Variants in PRDM16 observed in about 807,000 individuals in gnomAD.
The protein encoded by PRDM16 is histone-lysine N-methyltransferase PRDM16.
In PRDM16, 23 loss-of-function variants were observed where a neutral mutation model predicts 110.6. That is an observed-to-expected ratio of 0.21 (90% CI 0.15 to 0.29). PRDM16 has a LOEUF of 0.29. PRDM16 is among the 10% of genes least tolerant of loss of function. PRDM16 has a pLI of 1.00. For synonymous variants in PRDM16, 799 were observed against 781.8 expected (o/e 1.02, Z -0.37); for missense variants, 1,615 against 1,794.3 (o/e 0.90, Z 1.81).
intron 5 of PRDM16, among the ~76,000 whole-genome samples, chr1:3,402,268 G>GCC (rs145611121): frequency 1.3e-5 from 2 of 151,974 alleles, no homozygotes; most frequent in Non-Finnish European, 2.9e-5. Context: ...CGGGCCCAGA[G>GCC]CCCCCCACCG....
rs771966209 is a variant in PRDM16, at chr1:3,411,880, C to T, written c.1683C>T (p.Ala561=). The change falls in exon 9 of 17, where the codon GCC becomes GCT. Residue 561 remains alanine (A), a synonymous_variant. Transcript: ENST00000270722. ...ACCCAGCCCTGCCCCTGGTCTCCGC[C>T]GTCAGCAACAGCAGCCAGGGCACGA... ...LGNPALPLVS[A]VSNSSQGTTA... The T allele has an allele frequency of 1.9e-5, 31 of 1,612,974 alleles. No individual in the cohort carries two copies. The highest frequency in any genetic ancestry group is 2.3e-5 in the Non-Finnish European group (27 of 1,179,414).
chr1:3,096,321 C>T (rs967876797), intron 1 of PRDM16, among the ~76,000 whole-genome samples: 21 of 152,142 alleles, frequency 1.4e-4, no homozygotes, highest in African/African-American at 3.9e-4. Flanking sequence ...CCCAGAACCC[C>T]GCGGGCCCCT....
chr1:3,080,772 C>T lies in PRDM16; in HGVS notation c.37+11476C>T, dbSNP rs192396871. 4.2e-4 allele frequency among the ~76,000 whole-genome samples: 64 copies of T among 152,180 alleles called. No homozygotes were observed. Among genetic ancestry groups the T allele is most frequent in the Non-Finnish European group, 7.5e-4 (51 of 68,012 alleles). On this transcript the variant is annotated intron_variant, in intron 1 of 16. Coordinates refer to ENST00000270722, the MANE Select transcript of PRDM16 (RefSeq NM_022114.4). The surrounding 1 kb of genome is among the most constrained non-coding windows in gnomAD (Gnocchi z 5.2). ...ACATGTTGGGCGGTTTCTTCCGGGCCGGGGAAATCTGAGCAGCCACAGGCG... is the reference window on the plus strand; with the variant it reads ...ACATGTTGGGCGGTTTCTTCCGGGCTGGGGAAATCTGAGCAGCCACAGGCG...
In PRDM16 at chr1:3,431,023, G is replaced by C; in HGVS notation, c.3436G>C (p.Ala1146Pro). The part of the protein sequence containing the change: ...GKSQDDTVSP[A>P]PEPQAAYEDE... Reference sequence around the variant, plus strand: ...GTCGCAGGATGACACCGTGTCCCCCGCACCCGAGCCCCAGGCCGCCTACGA... The same window carrying C: ...GTCGCAGGATGACACCGTGTCCCCCCCACCCGAGCCCCAGGCCGCCTACGA... The change falls in exon 15 of 17, where the codon GCA becomes CCA. Residue 1146 changes from alanine to proline, a missense_variant. By Grantham distance (27) the Ala-to-Pro change is conservative. Around this residue, in one of 5 missense-constraint regions of PRDM16, gnomAD observed 327 missense variants for 359.3 expected, o/e 0.91. Transcript: ENST00000270722. 1 of 1,573,286 alleles carries C rather than the reference G, an allele frequency of 6.4e-7. No individual in the cohort carries two copies. Among genetic ancestry groups the C allele is most frequent in the Non-Finnish European group, 8.6e-7 (1 of 1,159,402 alleles).
At chr1:3,093,449 TTGAC>T (rs1642322096) in intron 1 of PRDM16, among the ~76,000 whole-genome samples, 1 of 152,180 alleles carries the variant, frequency 6.6e-6, no homozygotes, top group Non-Finnish European at 1.5e-5. Flanking sequence ...CCAGAATTGA[TTGAC>T]TGTTTCTCCA....
chr1:3,134,587 T>G (rs1291688360), intron 1 of PRDM16, among the ~76,000 whole-genome samples: 1 of 119,828 alleles, frequency 8.3e-6, no homozygotes, highest in Non-Finnish European at 1.7e-5. Context: ...CGCCTCCCCC[T>G]GGAAGGGGAA....
At chr1:3,269,946 A>G (rs915808026) in intron 3 of PRDM16, among the ~76,000 whole-genome samples, 20 of 146,584 alleles carry the variant, frequency 1.4e-4, no homozygotes, top group Non-Finnish European at 2.4e-4. Context: ...GAGGACAGTC[A>G]GGAGGAGGAC....
chr1:3,203,325 T>C (rs1053549008), intron 2 of PRDM16, among the ~76,000 whole-genome samples: 2 of 152,174 alleles, frequency 1.3e-5, no homozygotes, highest in African/African-American at 2.4e-5. Context: ...ACACAACCGT[T>C]GAGTTCTCAT....
At chr1:3,072,905 G>A (rs1032879363) in intron 1 of PRDM16, among the ~76,000 whole-genome samples, 12 of 152,270 alleles carry the variant, frequency 7.9e-5, no homozygotes, top group Non-Finnish European at 1.2e-4. Flanking sequence ...CCCTGGCTGC[G>A]CAGGTGTGCC....
rs550887871 is a variant in PRDM16 at position 3,353,101 on chromosome 1, C to G, written c.439-32051C>G. On this transcript the variant is annotated intron_variant, in intron 3 of 16. Transcript: ENST00000270722. This position sits in a 1 kb window ranked among gnomAD's most constrained non-coding sequence, Gnocchi z 5.4. ...GAAAGGGAGGCTGCAGCCGCACACC[C>G]GAAGAGCTCGAAAGCTGGCCCCCAG... Among the ~76,000 whole-genome samples the G allele has an allele frequency of 6.6e-6, 1 of 152,194 alleles. No homozygotes were observed. Among genetic ancestry groups the G allele is most frequent in the Non-Finnish European group, 1.5e-5 (1 of 68,038 alleles).
rs117737913 is a variant in PRDM16, at chr1:3,350,029, G to T, written c.439-35123G>T. 3.0e-4 allele frequency among the ~76,000 whole-genome samples: 45 copies of T among 152,228 alleles called. No individual in the cohort carries two copies. The highest frequency in any genetic ancestry group is 6.5e-4 in the Non-Finnish European group (44 of 68,040). ...GGACCTGACTCCTGTCTTTGAGGGG[G>T]GAAGAGGACAGGGCAGAAAAGACCT... On this transcript the variant is annotated intron_variant, in intron 3 of 16. Coordinates refer to ENST00000270722, the MANE Select transcript of PRDM16 (RefSeq NM_022114.4). The surrounding 1 kb of genome is among the most constrained non-coding windows in gnomAD (Gnocchi z 7.1).
intron 1 of PRDM16, among the ~76,000 whole-genome samples, chr1:3,096,867 A>T (rs1642413031): frequency 6.6e-6 from 1 of 152,164 alleles, no homozygotes; most frequent in African/African-American, 2.4e-5. Flanking sequence ...CCACCAGGTG[A>T]GACAGCTCCG....
At chr1:3,368,276 A>G (rs867544689) in intron 3 of PRDM16, among the ~76,000 whole-genome samples, 21 of 152,334 alleles carry the variant, frequency 1.4e-4, no homozygotes, top group Middle Eastern at 3.4e-3. Flanking sequence ...CAGGAGCCGC[A>G]ACACGGGCCA....
chr1:3,414,735 G>A (rs1450339888), intron 10 of PRDM16, 88 bp downstream of exon 10: 1 of 1,028,276 alleles, frequency 9.7e-7, no homozygotes, highest in Non-Finnish European at 1.5e-6. Context: ...GGCCAGGCTG[G>A]AGCCTAAGTC....
At chr1:3,164,215 T>C (rs1041274774) in intron 1 of PRDM16, among the ~76,000 whole-genome samples, 1 of 152,372 alleles carries the variant, frequency 6.6e-6, no homozygotes, top group African/African-American at 2.4e-5. Flanking sequence ...CATTCCGTGT[T>C]CGTGGTTTTG....
chr1:3,324,554 T>C (rs1641842719), intron 3 of PRDM16, among the ~76,000 whole-genome samples: 1 of 151,992 alleles, frequency 6.6e-6, no homozygotes, highest in Non-Finnish European at 1.5e-5. Context: ...GCCAGCAGGT[T>C]CCCCTGTGAC....
At chr1:3,093,864 C>G (rs1268071684) in intron 1 of PRDM16, among the ~76,000 whole-genome samples, 1 of 152,204 alleles carries the variant, frequency 6.6e-6, no homozygotes, top group East Asian at 1.9e-4. Flanking sequence ...TCTGTGGGGC[C>G]AGGCCTGTGC....
chr1:3,144,087 G>A (rs1002457802), intron 1 of PRDM16, among the ~76,000 whole-genome samples: 1 of 152,188 alleles, frequency 6.6e-6, no homozygotes, highest in Non-Finnish European at 1.5e-5. Flanking sequence ...CTACAGGCCT[G>A]TGCAGACCCC....
At chr1:3,134,719 TA>T (rs1485136225) in intron 1 of PRDM16, among the ~76,000 whole-genome samples, 3 of 152,248 alleles carry the variant, frequency 2.0e-5, no homozygotes, top group Non-Finnish European at 4.4e-5. Context: ...AGATTAAACT[TA>T]AAGCGATTAG....
Sources: gnomAD v4.1 joint callset for allele counts (sites outside exome capture counted in the v4.1 genomes callset) on GRCh38, gnomAD v4.1.1 for gene constraint, gnomAD v4.1.1 regional missense constraint, Gnocchi (gnomAD v3.1) non-coding constraint, MANE v1.5 for transcripts, NCBI Gene and HGNC (gene_info 2026-07-23, HGNC 2026-07-21) for gene names.